EPHA3: variants seen among roughly 807,000 people sequenced by gnomAD.
EPHA3 encodes the protein ephrin type-A receptor 3.
In EPHA3, 42 loss-of-function variants were observed where a neutral mutation model predicts 107.1. That is an observed-to-expected ratio of 0.39 (90% confidence interval 0.31 to 0.51). EPHA3 has a LOEUF of 0.51. Among genes scored for constraint, EPHA3 ranks in the 20% least tolerant of loss-of-function variants. The pLI is 0.78. For missense variants in EPHA3, 1,183 were observed against 1,211.2 expected, an observed-to-expected ratio of 0.98 and a Z score of 0.35; for synonymous variants, 461 against 424.8, an observed-to-expected ratio of 1.09 and a Z score of -1.05.
intron 2 of EPHA3, among the ~76,000 whole-genome samples, chr3:89,151,412 T>C (rs983400105): frequency 1.3e-5 from 2 of 151,930 alleles, no homozygotes; most frequent in Non-Finnish European, 2.9e-5. Context: ...TAAGTAGGGG[T>C]GTGGGACTTC....
intron 3 of EPHA3, among the ~76,000 whole-genome samples, chr3:89,262,351 C>A (rs1705436090): frequency 6.6e-6 from 1 of 152,108 alleles, no homozygotes; most frequent in Non-Finnish European, 1.5e-5. Context: ...TTGGTGGGGC[C>A]ATACTCCCTC....
intron 3 of EPHA3, among the ~76,000 whole-genome samples, chr3:89,288,257 C>T (rs958881414): frequency 1.3e-5 from 2 of 152,202 alleles, no homozygotes; most frequent in South Asian, 4.1e-4. Context: ...GTACAGTGCT[C>T]TCTGTGAGCA....
At chr3:89,291,974 T>G (rs1305409895) in intron 3 of EPHA3, among the ~76,000 whole-genome samples, 1 of 152,178 alleles carries the variant, frequency 6.6e-6, no homozygotes, top group South Asian at 2.1e-4. Flanking sequence ...TATAATAATA[T>G]AAAGTTGACA....
At chr3:89,242,107 G>A (rs1704909849) in intron 3 of EPHA3, among the ~76,000 whole-genome samples, 2 of 152,170 alleles carry the variant, frequency 1.3e-5, no homozygotes, top group East Asian at 1.9e-4. Context: ...TACACGGTTG[G>A]CAGAGTTGGG....
intron 3 of EPHA3, among the ~76,000 whole-genome samples, chr3:89,234,393 CTAAT>C (rs1040971291): frequency 1.3e-5 from 2 of 152,090 alleles, no homozygotes; most frequent in African/African-American, 4.8e-5. Context: ...GTTTGGAAAA[CTAAT>C]TATTTGAACT....
At chr3:89,390,196 G>A (rs1214382896) in intron 5 of EPHA3, among the ~76,000 whole-genome samples, 1 of 152,004 alleles carries the variant, frequency 6.6e-6, no homozygotes, top group African/African-American at 2.4e-5. Flanking sequence ...TTGCCATATT[G>A]GTCAAGCTGG....
intron 1 of EPHA3, among the ~76,000 whole-genome samples, chr3:89,126,130 T>C (rs1331363861): frequency 6.6e-6 from 1 of 151,716 alleles, no homozygotes; most frequent in Non-Finnish European, 1.5e-5. Context: ...TTGGTTTGTG[T>C]ATATATGTAA....
intron 3 of EPHA3, among the ~76,000 whole-genome samples, chr3:89,228,934 C>G (rs761210179): frequency 1.3e-5 from 2 of 151,968 alleles, no homozygotes. Context: ...TGTTTATATC[C>G]TCAACTTTCA....
chr3:89,353,596 T>C (rs1707880816), intron 5 of EPHA3, among the ~76,000 whole-genome samples: 1 of 151,250 alleles, frequency 6.6e-6, no homozygotes, highest in Admixed American at 6.6e-5. Context: ...CAGATACCTG[T>C]GCATCTGGGA....
In EPHA3 at chr3:89,419,224, C is replaced by T. The variant is rs760762367; in HGVS notation, c.1908C>T (p.Cys636=). 12 of 1,607,980 alleles carry T rather than the reference C, an allele frequency of 7.5e-6. No homozygotes were observed. In the Admixed American group the frequency reaches 1.2e-4, roughly 16 times the overall value. ...VVGAGEFGEV[C]SGRLKLPSKK... is the part of the protein sequence containing the mutation. ...TAACAGGTGAATTTGGAGAGGTGTG[C>T]AGTGGTCGCTTAAAACTTCCTTCAA... The change falls in exon 11 of 17, where the codon TGC becomes TGT. Residue 636 remains cysteine (C), a synonymous_variant. Transcript: ENST00000336596.
chr3:89,374,507 T>C (rs1708365910), intron 5 of EPHA3, among the ~76,000 whole-genome samples: 1 of 151,870 alleles, frequency 6.6e-6, no homozygotes, highest in Admixed American at 6.6e-5. Flanking sequence ...ACCCATGAAA[T>C]TGCTGTTTTA....
intron 3 of EPHA3, among the ~76,000 whole-genome samples, chr3:89,228,208 C>T (rs1704543905): frequency 1.3e-5 from 2 of 151,878 alleles, no homozygotes; most frequent in Admixed American, 1.3e-4. Context: ...CTGTTTCATC[C>T]ATGGGTTGAT....
chr3:89,247,651 A>T (rs149139751), intron 3 of EPHA3, among the ~76,000 whole-genome samples: 11 of 152,310 alleles, frequency 7.2e-5, no homozygotes, highest in African/African-American at 2.4e-4. Context: ...TGATCATAGG[A>T]AATATGAGGC....
chr3:89,457,362 G>A (rs1052399496), intron 15 of EPHA3, among the ~76,000 whole-genome samples: 5 of 152,308 alleles, frequency 3.3e-5, no homozygotes, highest in Admixed American at 6.5e-5. Context: ...GAAGGCAAAC[G>A]GCGGGCTGGT....
intron 3 of EPHA3, among the ~76,000 whole-genome samples, chr3:89,282,227 T>A (rs536912697): frequency 8.5e-5 from 13 of 152,212 alleles, no homozygotes; most frequent in Admixed American, 3.3e-4. Flanking sequence ...TTATTCAGAG[T>A]TATGATGAAT....
chr3:89,286,313 C>T (rs9875278), intron 3 of EPHA3, among the ~76,000 whole-genome samples: 33,998 of 151,448 alleles, frequency 0.22, 4,215 homozygotes, highest in Non-Finnish European at 0.27. Flanking sequence ...AGCAGAAGTA[C>T]ATGGTGAGAC....
At chr3:89,217,835 A>C (rs1459308624) in intron 3 of EPHA3, among the ~76,000 whole-genome samples, 1 of 152,192 alleles carries the variant, frequency 6.6e-6, no homozygotes, top group Non-Finnish European at 1.5e-5. Context: ...GAGATGAAGG[A>C]ATACCTGAAT....
At chr3:89,422,914 G>A (rs1016957651) in intron 11 of EPHA3, among the ~76,000 whole-genome samples, 7 of 151,322 alleles carry the variant, frequency 4.6e-5, no homozygotes, top group Non-Finnish European at 8.9e-5. Flanking sequence ...GAGAAGGTGA[G>A]AGAGTCTCTG....
At chr3:89,241,840 T>A (rs1429234575) in intron 3 of EPHA3, among the ~76,000 whole-genome samples, 1 of 152,166 alleles carries the variant, frequency 6.6e-6, no homozygotes, top group Non-Finnish European at 1.5e-5. Flanking sequence ...AGAAAACATA[T>A]TTTAAGAAAT....
Sources: allele counts gnomAD v4.1 joint callset (sites outside exome capture counted in the v4.1 genomes callset), GRCh38; gene constraint gnomAD v4.1.1; transcripts MANE v1.5; gene names NCBI Gene and HGNC (gene_info 2026-07-23, HGNC 2026-07-21).